KPNA3: variants seen among roughly 807,000 people sequenced by gnomAD.
KPNA3 encodes the protein importin subunit alpha-4.
In KPNA3, 13 loss-of-function variants were observed where a neutral mutation model predicts 73.8. The observed-to-expected ratio is 0.18, with a 90% confidence interval of 0.11 to 0.28. The LOEUF is 0.28. Among genes scored for constraint, KPNA3 ranks in the 10% least tolerant of loss-of-function variants. The pLI, the probability that KPNA3 is intolerant of heterozygous loss-of-function variation, is 1.00. For synonymous variants in KPNA3, 186 were observed against 206.9 expected (o/e 0.90, Z 0.87); for missense variants, 360 against 618.1 (o/e 0.58, Z 4.43).
intron 2 of KPNA3, among the ~76,000 whole-genome samples, chr13:49,737,044 A>G (rs1954528216): frequency 6.6e-6 from 1 of 152,184 alleles, no homozygotes; most frequent in African/African-American, 2.4e-5. Context: ...TTTATTGCCA[A>G]ATAGTATTTC....
intron 15 of KPNA3, among the ~76,000 whole-genome samples, chr13:49,705,162 C>G (rs1455224850): frequency 6.6e-6 from 1 of 152,070 alleles, no homozygotes; most frequent in Admixed American, 6.6e-5. Flanking sequence ...AGTTCGAGAC[C>G]AGCCTGGCCA....
chr13:49,731,794 C>G (rs571881766), intron 6 of KPNA3, among the ~76,000 whole-genome samples: 3 of 152,290 alleles, frequency 2.0e-5, no homozygotes, highest in Admixed American at 2.0e-4. Flanking sequence ...GGGCCAGTTC[C>G]TCAAAAGATA....
rs191854918 is a variant in KPNA3, at chr13:49,708,379, G to A, written c.1032+1193C>T. 3.1e-4 allele frequency among the ~76,000 whole-genome samples: 47 copies of A among 152,232 alleles called. 1 individual carries two copies. Among genetic ancestry groups the A allele is most frequent in the African/African-American group, 1.0e-3 (43 of 41,536 alleles). On this transcript the variant is annotated intron_variant, in intron 12 of 16. Transcript: ENST00000261667. The stretch of plus-strand genomic sequence containing the variant: ...TAATTTTTTTTAACAGAAAATAAAC[G>A]TTGGCTAGGATGTGGAGAAATTAGA...
chr13:49,712,716 T>G (rs945033189), intron 10 of KPNA3, among the ~76,000 whole-genome samples: 3 of 151,982 alleles, frequency 2.0e-5, no homozygotes, highest in Non-Finnish European at 4.4e-5. Context: ...CATGCATCAT[T>G]GCACAGGTAA....
chr13:49,702,325 T>C lies in KPNA3; in HGVS notation c.1467+61A>G, dbSNP rs561438843. ...TAATAAAAGGAAAACTCTTAGTAAATTTACATCATGTATAGGTTTTCATTT... is the reference window on the plus strand; with the variant it reads ...TAATAAAAGGAAAACTCTTAGTAAACTTACATCATGTATAGGTTTTCATTT... On this transcript the variant is annotated intron_variant, in intron 16 of 16. Transcript: ENST00000261667. The C allele has an allele frequency of 1.3e-5, 11 of 877,514 alleles. No homozygotes were observed. In the African/African-American group the frequency reaches 1.9e-4, roughly 15 times the overall value. 54.4% of individuals were successfully genotyped at this position (877,514 alleles called of 1,614,324 possible).
At chr13:49,777,545 C>T (rs1478321764) in intron 1 of KPNA3, among the ~76,000 whole-genome samples, 4 of 152,084 alleles carry the variant, frequency 2.6e-5, no homozygotes, top group Non-Finnish European at 5.9e-5. Context: ...CACTCTGTCA[C>T]GTGGGCTGGA....
At chr13:49,741,743 C>T (rs757505620) in intron 2 of KPNA3, among the ~76,000 whole-genome samples, 1 of 152,168 alleles carries the variant, frequency 6.6e-6, no homozygotes, top group Non-Finnish European at 1.5e-5. Flanking sequence ...CGTGAGCCAC[C>T]GTGCCCAATC....
At chr13:49,729,862 T>C (rs1954445719) in intron 6 of KPNA3, among the ~76,000 whole-genome samples, 1 of 152,236 alleles carries the variant, frequency 6.6e-6, no homozygotes, top group South Asian at 2.1e-4. Context: ...GTATGTATTA[T>C]TTCCATTCCT....
At chr13:49,775,142 GAC>G (rs1193172323) in intron 1 of KPNA3, among the ~76,000 whole-genome samples, 76 of 118,008 alleles carry the variant, frequency 6.4e-4, no homozygotes, top group African/African-American at 2.2e-3. Context: ...GCACTCAGAC[GAC>G]AGAGTGAGAC....
At chr13:49,707,697 C>CT (rs201854049) in intron 12 of KPNA3, among the ~76,000 whole-genome samples, 17 of 137,332 alleles carry the variant, frequency 1.2e-4, no homozygotes, top group South Asian at 2.7e-4. Context: ...ATTCATTTAG[C>CT]TAAAAAAAAA....
In KPNA3 at chr13:49,737,641, A is replaced by G. The variant is rs2137560405; in HGVS notation, c.115-4595T>C. Among the ~76,000 whole-genome samples, 2 of 150,376 alleles carry G rather than the reference A, an allele frequency of 1.3e-5. 1 individual carries two copies. The highest frequency in any genetic ancestry group is 4.2e-4 in the South Asian group (2 of 4,782). On this transcript the variant is annotated intron_variant, in intron 2 of 16. Coordinates refer to ENST00000261667, the MANE Select transcript of KPNA3 (RefSeq NM_002267.4). ...AGCCAGGGGTCTCACTATGTTGCCC[A>G]GGCTAGAGTGCAGTGACTGTCCATA...
At chr13:49,775,710 T>C (rs1430168184) in intron 1 of KPNA3, among the ~76,000 whole-genome samples, 2 of 152,208 alleles carry the variant, frequency 1.3e-5, no homozygotes, top group Non-Finnish European at 2.9e-5. Flanking sequence ...TTCTGTTTTA[T>C]AGTTGCCTTT....
intron 1 of KPNA3, among the ~76,000 whole-genome samples, chr13:49,773,589 AGT>A (rs1954873032): frequency 6.6e-6 from 1 of 152,186 alleles, no homozygotes; most frequent in African/African-American, 2.4e-5. Context: ...AACCTTCAAG[AGT>A]GTTATAAATA....
Position 49,746,973 on chromosome 13 carries a change from A to C in KPNA3, c.90T>G (p.Asn30Lys), listed in dbSNP as rs1954622322. ...CCTTCCGCAGTTCCACTGTCACTTC[A>C]TTTCTATGTCTTCGCATTGTCTAGA... ...RDVETMRRHRNEVTVELRKNK... is the reference protein window; with the variant it reads ...RDVETMRRHRKEVTVELRKNK... The change falls in exon 2 of 17, where the codon AAT (asparagine) becomes AAG (lysine). Residue 30 changes from asparagine to lysine, a missense_variant. By Grantham distance (94) the Asn-to-Lys change is moderately conservative. Coordinates refer to ENST00000261667, the MANE Select transcript of KPNA3 (RefSeq NM_002267.4). 1 of 1,609,904 alleles carries C rather than the reference A, an allele frequency of 6.2e-7. No homozygotes were observed. The highest frequency in any genetic ancestry group is 8.5e-7 in the Non-Finnish European group (1 of 1,176,604).
intron 1 of KPNA3, among the ~76,000 whole-genome samples, chr13:49,748,251 C>T (rs1467416628): frequency 6.6e-6 from 1 of 152,046 alleles, no homozygotes; most frequent in Non-Finnish European, 1.5e-5. Context: ...AATTCATTGC[C>T]ATGGCCTTAA....
chr13:49,736,499 G>A, intron 2 of KPNA3, among the ~76,000 whole-genome samples: 1 of 151,894 alleles, frequency 6.6e-6, no homozygotes, highest in East Asian at 1.9e-4. Flanking sequence ...ACTTTTTTTG[G>A]TAACTGAAAT....
intron 1 of KPNA3, 89 bp downstream of exon 1, chr13:49,792,349 G>C: frequency 2.4e-6 from 2 of 849,672 alleles, no homozygotes; most frequent in Non-Finnish European, 3.2e-6. Context: ...ACAAGCCGAC[G>C]AGAACCAGCC....
At chr13:49,722,871 T>C (rs1467639707) in intron 7 of KPNA3, among the ~76,000 whole-genome samples, 2 of 139,894 alleles carry the variant, frequency 1.4e-5, no homozygotes, top group African/African-American at 5.3e-5. Context: ...ACCCCAAACA[T>C]GTAACCTTAA....
intron 1 of KPNA3, among the ~76,000 whole-genome samples, chr13:49,771,163 G>C (rs1235316513): frequency 2.1e-5 from 3 of 145,806 alleles, no homozygotes; most frequent in Non-Finnish European, 4.5e-5. Flanking sequence ...GAAGCCAAAA[G>C]AAAAGAATAG....
Sources: gnomAD v4.1 joint callset for allele counts (sites outside exome capture counted in the v4.1 genomes callset) on GRCh38, gnomAD v4.1.1 for gene constraint, MANE v1.5 for transcripts, NCBI Gene and HGNC (gene_info 2026-07-23, HGNC 2026-07-21) for gene names.